CDH4: variants seen among roughly 807,000 people sequenced by gnomAD.
CDH4 encodes the protein cadherin 4, also known as cadherin-4.
A neutral mutation model predicts 86.0 loss-of-function variants in CDH4; 33 were observed. The observed-to-expected ratio is 0.38, with a 90% CI of 0.29 to 0.51. The LOEUF (loss-of-function observed/expected upper bound fraction) is 0.51. CDH4 is among the 20% of genes least tolerant of loss of function. The pLI, the probability that CDH4 is intolerant of heterozygous loss-of-function variation, is 0.86. For missense variants in CDH4, 1,114 were observed against 1,307.4 expected (o/e 0.85, Z 2.28); for synonymous variants, 555 against 549.4 (o/e 1.01, Z -0.14).
chr20:61,503,836 A>C (rs2085721406), intron 2 of CDH4, among the ~76,000 whole-genome samples: 1 of 152,144 alleles, frequency 6.6e-6, no homozygotes, highest in South Asian at 2.1e-4. Flanking sequence ...AGTGGACACA[A>C]TTTTCTTGTG....
At chr20:61,849,522 G>A (rs1415699548) in intron 5 of CDH4, among the ~76,000 whole-genome samples, 1 of 152,144 alleles carries the variant, frequency 6.6e-6, no homozygotes, top group Non-Finnish European at 1.5e-5. Flanking sequence ...TGCTCCCCCG[G>A]CCCTAGGGAG....
chr20:61,371,442 T>A (rs1317144909), intron 2 of CDH4, among the ~76,000 whole-genome samples: 1 of 152,212 alleles, frequency 6.6e-6, no homozygotes, highest in Non-Finnish European at 1.5e-5. Flanking sequence ...TGTCAGACGC[T>A]GCGGACGTGT....
At chr20:61,816,698 C>A (rs77884913) in intron 4 of CDH4, among the ~76,000 whole-genome samples, 60,743 of 149,048 alleles carry the variant, frequency 0.41, 15,010 homozygotes, top group Non-Finnish European at 0.57. Flanking sequence ...TGGGGGGGGG[C>A]GGTTTGTGGG....
intron 2 of CDH4, among the ~76,000 whole-genome samples, chr20:61,673,042 G>T (rs1409866247): frequency 6.6e-6 from 1 of 152,130 alleles, no homozygotes; most frequent in Non-Finnish European, 1.5e-5. Flanking sequence ...AGAGAGATTG[G>T]AAGATGCTGT....
chr20:61,384,369 G>A (rs1182575118), intron 2 of CDH4, among the ~76,000 whole-genome samples: 1 of 152,168 alleles, frequency 6.6e-6, no homozygotes, highest in African/African-American at 2.4e-5. Context: ...CCCCAACTGA[G>A]ACTAGCACCA....
At chr20:61,567,226 G>C (rs1325098455) in intron 2 of CDH4, among the ~76,000 whole-genome samples, 1 of 152,204 alleles carries the variant, frequency 6.6e-6, no homozygotes, top group East Asian at 1.9e-4. Flanking sequence ...CCCAGGAAAG[G>C]CCTTTGTAAG....
intron 2 of CDH4, among the ~76,000 whole-genome samples, chr20:61,567,389 G>A (rs2086307138): frequency 6.6e-6 from 1 of 152,202 alleles, no homozygotes; most frequent in Non-Finnish European, 1.5e-5. Flanking sequence ...TCAGTGTGGG[G>A]TGAGGTCCCG....
chr20:61,714,506 G>C (rs2087930994), intron 2 of CDH4, among the ~76,000 whole-genome samples: 1 of 152,094 alleles, frequency 6.6e-6, no homozygotes, highest in South Asian at 2.1e-4. Context: ...GTCTGAGATT[G>C]TCATGTAGTG....
At chr20:61,365,576 C>T (rs1375733257) in intron 2 of CDH4, among the ~76,000 whole-genome samples, 6 of 151,970 alleles carry the variant, frequency 3.9e-5, no homozygotes, top group Non-Finnish European at 5.9e-5. Flanking sequence ...AGGGTGGGCT[C>T]AGTGTGGGGG....
At chr20:61,368,810 G>T (rs28815582) in intron 2 of CDH4, among the ~76,000 whole-genome samples, 1 of 151,958 alleles carries the variant, frequency 6.6e-6, no homozygotes, top group African/African-American at 2.4e-5. Flanking sequence ...AGCCACTGCA[G>T]CCGGCTAGGA....
At chr20:61,591,079 C>G (rs2145731926) in intron 2 of CDH4, among the ~76,000 whole-genome samples, 1 of 152,230 alleles carries the variant, frequency 6.6e-6, no homozygotes, top group Admixed American at 6.5e-5. Flanking sequence ...CTGATAGGTA[C>G]CAGGGCTGGA....
intron 2 of CDH4, among the ~76,000 whole-genome samples, chr20:61,424,647 C>G (rs1017154862): frequency 6.6e-6 from 1 of 152,216 alleles, no homozygotes; most frequent in Non-Finnish European, 1.5e-5. Flanking sequence ...CTGTCACCCA[C>G]TCTTCCCCTG....
intron 2 of CDH4, among the ~76,000 whole-genome samples, chr20:61,400,848 C>G (rs1264803751): frequency 6.6e-6 from 1 of 152,238 alleles, no homozygotes; most frequent in Non-Finnish European, 1.5e-5. Context: ...GGCCCTGCCC[C>G]CTTCCAGAGC....
intron 2 of CDH4, among the ~76,000 whole-genome samples, chr20:61,540,992 G>A (rs958583056): frequency 2.6e-5 from 4 of 152,130 alleles, no homozygotes; most frequent in African/African-American, 7.2e-5. Context: ...ATCATAAATT[G>A]TCAGAGATGG....
At chr20:61,601,280 G>A (rs1439396986) in intron 2 of CDH4, among the ~76,000 whole-genome samples, 2 of 152,126 alleles carry the variant, frequency 1.3e-5, no homozygotes, top group Non-Finnish European at 2.9e-5. Flanking sequence ...TCACTGTGGT[G>A]AGGACAGCAC....
intron 7 of CDH4, among the ~76,000 whole-genome samples, chr20:61,880,068 C>A (rs796638375): frequency 6.6e-6 from 1 of 152,232 alleles, no homozygotes; most frequent in Non-Finnish European, 1.5e-5. Flanking sequence ...AGAGTGATAA[C>A]GTGGCTCTGT....
intron 7 of CDH4, among the ~76,000 whole-genome samples, chr20:61,874,459 C>T (rs927632777): frequency 5.3e-5 from 8 of 152,188 alleles, no homozygotes; most frequent in Admixed American, 2.6e-4. Flanking sequence ...TGCGGTCCTA[C>T]GAGGCTTTTG....
intron 2 of CDH4, among the ~76,000 whole-genome samples, chr20:61,301,926 G>A (rs1321170584): frequency 6.6e-6 from 1 of 152,192 alleles, no homozygotes; most frequent in African/African-American, 2.4e-5. Flanking sequence ...TAACAACCGG[G>A]GGTTTGGAAA....
At chr20:61,793,508 C>T (rs2146019601) in intron 4 of CDH4, among the ~76,000 whole-genome samples, 1 of 152,212 alleles carries the variant, frequency 6.6e-6, no homozygotes, top group East Asian at 1.9e-4. Flanking sequence ...CCCCCGAGGT[C>T]AGGGTGCTCC....
Sources: allele counts gnomAD v4.1 joint callset (sites outside exome capture counted in the v4.1 genomes callset), GRCh38; gene constraint gnomAD v4.1.1; transcripts MANE v1.5; gene names NCBI Gene and HGNC (gene_info 2026-07-23, HGNC 2026-07-21).